CNTNAP2: variants seen among roughly 807,000 people sequenced by gnomAD.
CNTNAP2 encodes contactin associated protein 2.
In CNTNAP2, 98 loss-of-function variants were observed where a neutral mutation model predicts 155.2. That is an observed-to-expected ratio of 0.63 (90% CI 0.54 to 0.75). The LOEUF is 0.75. Ranked by LOEUF, CNTNAP2 falls within the 30% of genes least tolerant of loss-of-function variation. The probability of loss-of-function intolerance (pLI) is 0.00; values close to 1 mark genes in which losing one functional copy is unlikely to be tolerated. For missense variants in CNTNAP2, 1,727 were observed against 1,688.1 expected (o/e 1.02, Z -0.40); for synonymous variants, 651 against 631.2 (o/e 1.03, Z -0.47).
intron 1 of CNTNAP2, among the ~76,000 whole-genome samples, chr7:146,299,065 A>G (rs1012420445): frequency 1.3e-5 from 2 of 151,718 alleles, no homozygotes; most frequent in Non-Finnish European, 2.9e-5. Flanking sequence ...TGAAGTCAGG[A>G]GCTCGAGACC....
intron 13 of CNTNAP2, among the ~76,000 whole-genome samples, chr7:147,723,202 G>A (rs1016122035): frequency 6.6e-6 from 1 of 151,976 alleles, no homozygotes; most frequent in Admixed American, 6.6e-5. Flanking sequence ...TATTTAAGTT[G>A]AAGATATTTC....
At chr7:146,978,917 A>G (rs1797963183) in intron 3 of CNTNAP2, among the ~76,000 whole-genome samples, 1 of 152,134 alleles carries the variant, frequency 6.6e-6, no homozygotes, top group African/African-American at 2.4e-5. Context: ...AAATTTTGTT[A>G]CAGTTAAACA....
At chr7:147,233,647 ATTG>A (rs1803734437) in intron 8 of CNTNAP2, among the ~76,000 whole-genome samples, 1 of 151,950 alleles carries the variant, frequency 6.6e-6, no homozygotes, top group Non-Finnish European at 1.5e-5. Context: ...CTCTAAAGAA[ATTG>A]TTAATATTAT....
intron 1 of CNTNAP2, among the ~76,000 whole-genome samples, chr7:146,206,768 TCAA>T (rs1399939606): frequency 6.6e-6 from 1 of 151,944 alleles, no homozygotes; most frequent in Non-Finnish European, 1.5e-5. Context: ...ATGTCAGACC[TCAA>T]CAACAACACT....
intron 21 of CNTNAP2, among the ~76,000 whole-genome samples, chr7:148,354,513 C>CA (rs1798478902): frequency 6.6e-6 from 1 of 152,010 alleles, no homozygotes; most frequent in South Asian, 2.1e-4. Flanking sequence ...CAGGGACTGC[C>CA]TGCCTCCTCC....
At chr7:146,643,998 TG>T (rs1289577693) in intron 1 of CNTNAP2, among the ~76,000 whole-genome samples, 1 of 152,214 alleles carries the variant, frequency 6.6e-6, no homozygotes, top group Non-Finnish European at 1.5e-5. Context: ...TTGTGATTTT[TG>T]TAGATTGATT....
At chr7:147,937,832 TAAG>T (rs1028971910) in intron 14 of CNTNAP2, among the ~76,000 whole-genome samples, 98 of 152,338 alleles carry the variant, frequency 6.4e-4, no homozygotes, top group African/African-American at 2.2e-3. Context: ...AATCATATAA[TAAG>T]AAGCATTTTG....
intron 1 of CNTNAP2, among the ~76,000 whole-genome samples, chr7:146,729,486 C>T (rs1252943944): frequency 1.3e-5 from 2 of 151,908 alleles, no homozygotes; most frequent in East Asian, 1.9e-4. Context: ...GAGAAATGCA[C>T]ATTTATACTG....
At chr7:146,924,341 G>A (rs1433916293) in intron 3 of CNTNAP2, among the ~76,000 whole-genome samples, 3 of 152,156 alleles carry the variant, frequency 2.0e-5, no homozygotes, top group Admixed American at 6.6e-5. Flanking sequence ...GTGACTTAAA[G>A]AGTCTTAATG....
intron 1 of CNTNAP2, among the ~76,000 whole-genome samples, chr7:146,661,347 T>G (rs1406480210): frequency 6.6e-6 from 1 of 152,114 alleles, no homozygotes; most frequent in African/African-American, 2.4e-5. Flanking sequence ...CATTTTCATG[T>G]GTACGGTTCT....
chr7:148,218,542 C>A (rs1227839508), intron 19 of CNTNAP2, among the ~76,000 whole-genome samples: 1 of 152,122 alleles, frequency 6.6e-6, no homozygotes, highest in Non-Finnish European at 1.5e-5. Context: ...CAGGCACATA[C>A]CACCACTCCC....
chr7:147,995,061 T>C (rs900961179), intron 15 of CNTNAP2, among the ~76,000 whole-genome samples: 6 of 151,844 alleles, frequency 4.0e-5, no homozygotes, highest in African/African-American at 1.5e-4. Context: ...CACACTTAAT[T>C]CCCCCAGCTA....
chr7:146,578,632 C>T (rs1045974046), intron 1 of CNTNAP2, among the ~76,000 whole-genome samples: 1 of 152,162 alleles, frequency 6.6e-6, no homozygotes, highest in South Asian at 2.1e-4. Flanking sequence ...TTTCTATGTG[C>T]TGTCTTTTAT....
chr7:146,399,849 A>G (rs752396523), intron 1 of CNTNAP2, among the ~76,000 whole-genome samples: 17 of 152,050 alleles, frequency 1.1e-4, no homozygotes, highest in Non-Finnish European at 2.1e-4. Flanking sequence ...TCTTAATTTT[A>G]TTATTTCTAC....
chr7:147,087,728 G>A (rs1016363328), intron 4 of CNTNAP2, among the ~76,000 whole-genome samples: 3 of 152,146 alleles, frequency 2.0e-5, no homozygotes, highest in African/African-American at 4.8e-5. Context: ...TGTAATCCCA[G>A]CACTTTGGGA....
At chr7:146,676,820 TG>T (rs1800406191) in intron 1 of CNTNAP2, among the ~76,000 whole-genome samples, 2 of 152,096 alleles carry the variant, frequency 1.3e-5, no homozygotes, top group African/African-American at 4.8e-5. Context: ...GAGAACAGTA[TG>T]GGGGAAACTG....
At chr7:147,314,076 G>T (rs564054569) in intron 9 of CNTNAP2, among the ~76,000 whole-genome samples, 1 of 152,190 alleles carries the variant, frequency 6.6e-6, no homozygotes, top group Non-Finnish European at 1.5e-5. Flanking sequence ...TCTGTTATTG[G>T]TGTATAAGAA....
At chr7:147,466,019 A>G (rs1798113914) in intron 10 of CNTNAP2, among the ~76,000 whole-genome samples, 1 of 152,254 alleles carries the variant, frequency 6.6e-6, no homozygotes, top group African/African-American at 2.4e-5. Flanking sequence ...TGAAAAATCA[A>G]CTTGCAAAAA....
At chr7:146,248,758 G>T (rs1799707617) in intron 1 of CNTNAP2, among the ~76,000 whole-genome samples, 1 of 152,130 alleles carries the variant, frequency 6.6e-6, no homozygotes, top group African/African-American at 2.4e-5. Context: ...AAGAACAGGA[G>T]GACAGGGGAT....
Sources: gnomAD v4.1 joint callset for allele counts (sites outside exome capture counted in the v4.1 genomes callset) on GRCh38, gnomAD v4.1.1 for gene constraint, MANE v1.5 for transcripts, NCBI Gene and HGNC (gene_info 2026-07-23, HGNC 2026-07-21) for gene names.